Variants in CDH13 observed in about 807,000 individuals in gnomAD.
CDH13 encodes the protein cadherin 13.
CDH13 carries 24 observed loss-of-function variants against 63.8 expected under a neutral mutation model. That is an observed-to-expected ratio of 0.38 (90% CI 0.27 to 0.53). The LOEUF (loss-of-function observed/expected upper bound fraction) is 0.53. CDH13 is among the 20% of genes least tolerant of loss of function. CDH13 has a pLI of 0.85. For synonymous variants in CDH13, 503 were observed against 355.3 expected (o/e 1.42, Z -4.67); for missense variants, 1,049 against 903.1 (o/e 1.16, Z -2.07).
At chr16:83,695,893 CTTTT>C (rs199731349) in intron 10 of CDH13, among the ~76,000 whole-genome samples, 1 of 143,212 alleles carries the variant, frequency 7.0e-6, no homozygotes, top group Admixed American at 7.0e-5. Flanking sequence ...TGCCAAAGAA[CTTTT>C]TTTTTTTTTT....
chr16:82,771,876 G>A (rs1260737604), intron 1 of CDH13, among the ~76,000 whole-genome samples: 2 of 152,254 alleles, frequency 1.3e-5, no homozygotes, highest in African/African-American at 2.4e-5. Context: ...TGGGAATGAT[G>A]TGATTTGCAC....
chr16:83,425,780 T>C (rs1373173071), intron 6 of CDH13, among the ~76,000 whole-genome samples: 2 of 152,184 alleles, frequency 1.3e-5, no homozygotes, highest in Non-Finnish European at 2.9e-5. Context: ...TTCCTTTGTC[T>C]CTTTCTTCTT....
At chr16:83,112,106 C>G (rs963694967) in intron 3 of CDH13, among the ~76,000 whole-genome samples, 1 of 152,212 alleles carries the variant, frequency 6.6e-6, no homozygotes, top group Non-Finnish European at 1.5e-5. Context: ...CTTTGCTTTA[C>G]TTATTCATTT....
chr16:83,536,213 A>C (rs961965626), intron 7 of CDH13, among the ~76,000 whole-genome samples: 1 of 152,362 alleles, frequency 6.6e-6, no homozygotes, highest in South Asian at 2.1e-4. Flanking sequence ...AAAAACCAAC[A>C]GTCATTGTCT....
chr16:83,192,169 T>C (rs1366594721), intron 4 of CDH13, among the ~76,000 whole-genome samples: 1 of 152,168 alleles, frequency 6.6e-6, no homozygotes, highest in Non-Finnish European at 1.5e-5. Flanking sequence ...CCTCCATTCC[T>C]CCCAGAGATT....
At chr16:83,350,106 C>A (rs893520450) in intron 6 of CDH13, among the ~76,000 whole-genome samples, 1 of 152,178 alleles carries the variant, frequency 6.6e-6, no homozygotes, top group Admixed American at 6.5e-5. Context: ...TTTCCAGGCA[C>A]TTGCCGCCAG....
At chr16:83,425,512 C>G (rs753771758) in intron 6 of CDH13, among the ~76,000 whole-genome samples, 1 of 152,238 alleles carries the variant, frequency 6.6e-6, no homozygotes, top group Non-Finnish European at 1.5e-5. Flanking sequence ...TTTATGCTAC[C>G]GCATCTCCAC....
intron 8 of CDH13, among the ~76,000 whole-genome samples, chr16:83,646,452 G>A (rs996278002): frequency 1.3e-5 from 2 of 152,106 alleles, no homozygotes; most frequent in Non-Finnish European, 2.9e-5. Context: ...TGTAATCCCA[G>A]CACTTTGGGA....
At chr16:83,161,482 G>C (rs1312702421) in intron 4 of CDH13, among the ~76,000 whole-genome samples, 1 of 152,216 alleles carries the variant, frequency 6.6e-6, no homozygotes, top group Middle Eastern at 3.4e-3. Flanking sequence ...TGTAATCAAA[G>C]ATGCCTATTA....
intron 11 of CDH13, chr16:83,772,660 TC>T (rs1177871714): frequency 6.6e-6 from 1 of 152,192 alleles, no homozygotes; most frequent in African/African-American, 2.4e-5. Flanking sequence ...TCTCATTAAG[TC>T]GCTTGCCAAC....
rs146512480 is a variant in CDH13 at position 82,797,195 on chromosome 16, C to G, written c.46-61167C>G. ...CTTTCAGTGTGGGGAGGAATGGTGA[C>G]TTTTCAGTTGCTTCTGAATACGGTT... On this transcript the variant is annotated intron_variant, in intron 1 of 13. Transcript: ENST00000567109. Among the ~76,000 whole-genome samples, 492 of 152,262 alleles carry G rather than the reference C, an allele frequency of 3.2e-3. 3 individuals carry two copies. The highest frequency in any genetic ancestry group is 0.011 in the African/African-American group (475 of 41,560).
chr16:82,861,857 C>T (rs959842726), intron 2 of CDH13, among the ~76,000 whole-genome samples: 1 of 152,208 alleles, frequency 6.6e-6, no homozygotes, highest in African/African-American at 2.4e-5. Context: ...CCAGTGGGCT[C>T]TTCACTGCAT....
At chr16:83,244,597 C>G (rs1490120431) in intron 5 of CDH13, among the ~76,000 whole-genome samples, 2 of 152,126 alleles carry the variant, frequency 1.3e-5, no homozygotes, top group Non-Finnish European at 2.9e-5. Context: ...GTCCCCAACA[C>G]CACCCTCAGA....
Position 83,396,497 on chromosome 16 carries a change from C to T in CDH13, c.781+51491C>T, listed in dbSNP as rs554037846. The stretch of plus-strand genomic sequence containing the variant: ...CCTGGCTGACCTCCTTCCTTTAAAA[C>T]CCTTCTCCTCTTTTTTGTATCATAA... On this transcript the variant is annotated intron_variant, in intron 6 of 13. Coordinates refer to ENST00000567109, the MANE Select transcript of CDH13 (RefSeq NM_001257.5). 1.1e-4 allele frequency: 16 copies of T among 152,276 alleles called. 1 individual carries two copies. The highest frequency in any genetic ancestry group is 3.6e-4 in the African/African-American group (15 of 41,556). The allele number at this position is 152,276 out of a possible 1,614,324, so 9.4% of individuals were successfully genotyped here. A position where few individuals can be genotyped will look rare whatever the true frequency, so the allele number is the denominator to read the frequency against.
At chr16:83,266,972 G>A (rs1907698914) in intron 5 of CDH13, among the ~76,000 whole-genome samples, 1 of 152,266 alleles carries the variant, frequency 6.6e-6, no homozygotes, top group African/African-American at 2.4e-5. Context: ...GATTGCAAAT[G>A]ACAGGAGTTA....
At chr16:82,939,842 C>A (rs1714595449) in intron 2 of CDH13, among the ~76,000 whole-genome samples, 1 of 152,056 alleles carries the variant, frequency 6.6e-6, no homozygotes, top group Non-Finnish European at 1.5e-5. Flanking sequence ...ATATTTCATT[C>A]CACTATAGGT....
chr16:83,051,839 T>C (rs944355395), intron 3 of CDH13, among the ~76,000 whole-genome samples: 10 of 152,238 alleles, frequency 6.6e-5, no homozygotes, highest in African/African-American at 2.2e-4. Flanking sequence ...CCGAAAACTT[T>C]GAGTCTGTTA....
intron 7 of CDH13, among the ~76,000 whole-genome samples, chr16:83,526,410 T>C (rs1224493626): frequency 1.3e-5 from 2 of 152,208 alleles, no homozygotes; most frequent in African/African-American, 4.8e-5. Context: ...CGGATGAAAC[T>C]GTTCCACCTA....
At chr16:82,912,199 A>C (rs1026612395) in intron 2 of CDH13, among the ~76,000 whole-genome samples, 3 of 84,762 alleles carry the variant, frequency 3.5e-5, no homozygotes, top group Non-Finnish European at 7.8e-5. Context: ...CCTTCCCCTG[A>C]GACATGTTCA....
Sources: gnomAD v4.1 joint callset for allele counts (sites outside exome capture counted in the v4.1 genomes callset) on GRCh38, gnomAD v4.1.1 for gene constraint, MANE v1.5 for transcripts, NCBI Gene and HGNC (gene_info 2026-07-23, HGNC 2026-07-21) for gene names.